The following DDX10 variants were observed in gnomAD, a reference collection of about 807,000 sequenced individuals.
DDX10 encodes DEAD-box helicase 10, also known as probable ATP-dependent RNA helicase DDX10.
In DDX10, 74 loss-of-function variants were observed where a neutral mutation model predicts 104.3. The ratio of observed to expected loss-of-function variants is 0.71; its 90% CI spans 0.59 to 0.86. The LOEUF is 0.86. Ranked by LOEUF, DDX10 falls within the 40% of genes least tolerant of loss-of-function variation. The probability of loss-of-function intolerance (pLI) is 0.00; values close to 1 mark genes in which losing one functional copy is unlikely to be tolerated. For missense variants in DDX10, 952 were observed against 1,040.0 expected, an observed-to-expected ratio of 0.92 and a Z score of 1.16; for synonymous variants, 351 against 353.4, an observed-to-expected ratio of 0.99 and a Z score of 0.08.
intron 2 of DDX10, among the ~76,000 whole-genome samples, chr11:108,675,280 C>A (rs1591787693): frequency 6.6e-6 from 1 of 152,124 alleles, no homozygotes; most frequent in East Asian, 1.9e-4. Flanking sequence ...GGATTATACC[C>A]AGGAGTGGAG....
intron 10 of DDX10, among the ~76,000 whole-genome samples, chr11:108,708,431 A>G (rs1219826760): frequency 6.9e-6 from 1 of 144,876 alleles, no homozygotes; most frequent in Non-Finnish European, 1.5e-5. Flanking sequence ...TGATTTTTAT[A>G]TCTTGTTGGA....
intron 16 of DDX10, among the ~76,000 whole-genome samples, chr11:108,896,087 A>G (rs1347581046): frequency 6.6e-6 from 1 of 152,282 alleles, no homozygotes; most frequent in Middle Eastern, 3.4e-3. Flanking sequence ...AAGTGACTTT[A>G]GTAGGAGATC....
chr11:108,846,838 C>CAGACT (rs1181347789), intron 15 of DDX10, among the ~76,000 whole-genome samples: 2 of 151,800 alleles, frequency 1.3e-5, no homozygotes, highest in Non-Finnish European at 2.9e-5. Flanking sequence ...CAGACCAGAC[C>CAGACT]AGACCAGACC....
intron 2 of DDX10, among the ~76,000 whole-genome samples, chr11:108,674,941 G>C (rs2094222095): frequency 6.6e-6 from 1 of 151,970 alleles, no homozygotes; most frequent in African/African-American, 2.4e-5. Flanking sequence ...TTTGAATTTG[G>C]CTTTTTTAGA....
chr11:108,720,376 T>C (rs1463364093), intron 12 of DDX10, among the ~76,000 whole-genome samples: 21 of 152,338 alleles, frequency 1.4e-4, no homozygotes, highest in Non-Finnish European at 8.8e-5. Flanking sequence ...TTGCCTGGAT[T>C]ACCATAGACA....
intron 13 of DDX10, among the ~76,000 whole-genome samples, chr11:108,805,213 G>T (rs1320351785): frequency 6.6e-6 from 1 of 152,218 alleles, no homozygotes; most frequent in Non-Finnish European, 1.5e-5. Flanking sequence ...CTGCTATTTC[G>T]ACTGGACTGT....
intron 13 of DDX10, among the ~76,000 whole-genome samples, chr11:108,775,298 G>A (rs1036938016): frequency 1.3e-5 from 2 of 152,092 alleles, no homozygotes; most frequent in African/African-American, 4.8e-5. Flanking sequence ...AATGTGTCAG[G>A]TTTACATTGA....
chr11:108,676,569 C>T (rs949770294), intron 3 of DDX10, among the ~76,000 whole-genome samples: 7 of 152,214 alleles, frequency 4.6e-5, no homozygotes, highest in Admixed American at 2.0e-4. Context: ...GCCTCAGCCT[C>T]CCAAGTAGCT....
intron 13 of DDX10, among the ~76,000 whole-genome samples, chr11:108,738,530 C>T (rs2094321067): frequency 6.6e-6 from 1 of 151,960 alleles, no homozygotes; most frequent in African/African-American, 2.4e-5. Context: ...ATCCTGGAGC[C>T]CACCTATCTA....
At chr11:108,794,978 C>T (rs901916012) in intron 13 of DDX10, among the ~76,000 whole-genome samples, 1 of 152,078 alleles carries the variant, frequency 6.6e-6, no homozygotes, top group African/African-American at 2.4e-5. Context: ...CAGGCATGTG[C>T]CACTGTGCCT....
At chr11:108,808,712 G>T (rs902834325) in intron 13 of DDX10, among the ~76,000 whole-genome samples, 1 of 152,056 alleles carries the variant, frequency 6.6e-6, no homozygotes, top group Non-Finnish European at 1.5e-5. Flanking sequence ...CAGCCATCCT[G>T]TCAGCCATGC....
intron 15 of DDX10, among the ~76,000 whole-genome samples, chr11:108,850,966 A>G (rs1451197338): frequency 6.6e-6 from 1 of 152,216 alleles, no homozygotes; most frequent in Non-Finnish European, 1.5e-5. Context: ...CCAAATTGTT[A>G]TATGAAATGC....
intron 13 of DDX10, among the ~76,000 whole-genome samples, chr11:108,821,553 A>G (rs886778632): frequency 2.5e-4 from 38 of 152,188 alleles, no homozygotes; most frequent in African/African-American, 8.2e-4. Flanking sequence ...ATGGCTGTCA[A>G]ACTTTTTTTA....
At chr11:108,846,545 C>T (rs1285373360) in intron 15 of DDX10, among the ~76,000 whole-genome samples, 1 of 152,140 alleles carries the variant, frequency 6.6e-6, no homozygotes, top group Admixed American at 6.5e-5. Flanking sequence ...GTATTATTTA[C>T]CCCTCTGCCT....
chr11:108,748,958 C>G (rs955544079), intron 13 of DDX10, among the ~76,000 whole-genome samples: 1 of 152,032 alleles, frequency 6.6e-6, no homozygotes, highest in African/African-American at 2.4e-5. Context: ...GCCACCACGC[C>G]TGGCCTAAAC....
chr11:108,737,878 A>G (rs554683325), intron 13 of DDX10, among the ~76,000 whole-genome samples: 3 of 152,258 alleles, frequency 2.0e-5, no homozygotes, highest in African/African-American at 4.8e-5. Context: ...TCTTTGGGTG[A>G]TAACGATTAG....
chr11:108,877,962 T>C (rs1296275743), intron 16 of DDX10, among the ~76,000 whole-genome samples: 1 of 152,232 alleles, frequency 6.6e-6, no homozygotes, highest in African/African-American at 2.4e-5. Flanking sequence ...TTTCCTTTTC[T>C]TTATCTTGCT....
At chr11:108,681,243 C>G (rs1348280242) in intron 6 of DDX10, among the ~76,000 whole-genome samples, 1 of 151,904 alleles carries the variant, frequency 6.6e-6, no homozygotes, top group East Asian at 1.9e-4. Flanking sequence ...CTGTAAATTA[C>G]AAAGTTTTAG....
chr11:108,893,474 A>G (rs1325313245), intron 16 of DDX10, among the ~76,000 whole-genome samples: 1 of 152,054 alleles, frequency 6.6e-6, no homozygotes, highest in African/African-American at 2.4e-5. Flanking sequence ...TATGTGCTAG[A>G]CATTGTTATT....
Sources: gnomAD v4.1 joint callset for allele counts (sites outside exome capture counted in the v4.1 genomes callset) on GRCh38, gnomAD v4.1.1 for gene constraint, MANE v1.5 for transcripts, NCBI Gene and HGNC (gene_info 2026-07-23, HGNC 2026-07-21) for gene names.